CADPS2: variants seen among roughly 807,000 people sequenced by gnomAD.
CADPS2 encodes calcium-dependent secretion activator 2.
CADPS2 carries 93 observed loss-of-function variants against 172.5 expected under a neutral mutation model. The ratio of observed to expected loss-of-function variants is 0.54; its 90% CI spans 0.46 to 0.64. The LOEUF (loss-of-function observed/expected upper bound fraction) is 0.64. Among genes scored for constraint, CADPS2 ranks in the 30% least tolerant of loss-of-function variants. The probability of loss-of-function intolerance (pLI) is 0.00; values close to 1 mark genes in which losing one functional copy is unlikely to be tolerated. For synonymous variants in CADPS2, 546 were observed against 555.2 expected (o/e 0.98, Z 0.23); for missense variants, 1,420 against 1,565.9 (o/e 0.91, Z 1.57).
chr7:122,713,023 C>T (rs1564148552), intron 2 of CADPS2, among the ~76,000 whole-genome samples: 1 of 151,874 alleles, frequency 6.6e-6, no homozygotes, highest in African/African-American at 2.4e-5. Context: ...AAATCCTGTC[C>T]CCAAGGTAGG....
intron 1 of CADPS2, among the ~76,000 whole-genome samples, chr7:122,809,420 GA>G (rs56120318): frequency 1.5e-3 from 215 of 144,494 alleles, no homozygotes; most frequent in East Asian, 5.3e-3. Flanking sequence ...AAAAAAAAAA[GA>G]AAAAAAAAAT....
At chr7:122,587,917 G>A (rs760136875) in intron 6 of CADPS2, among the ~76,000 whole-genome samples, 5 of 152,160 alleles carry the variant, frequency 3.3e-5, no homozygotes, top group Non-Finnish European at 5.9e-5. Context: ...TGACTGGCAT[G>A]AGATGGTATC....
intron 2 of CADPS2, chr7:122,698,815 C>T (rs774079776): frequency 1.9e-6 from 3 of 1,613,748 alleles, no homozygotes; most frequent in Non-Finnish European, 1.7e-6. Flanking sequence ...CCAAACAACA[C>T]TTGCTCTGCA....
At chr7:122,800,774 C>A (rs532845958) in intron 1 of CADPS2, among the ~76,000 whole-genome samples, 1 of 151,998 alleles carries the variant, frequency 6.6e-6, no homozygotes, top group Non-Finnish European at 1.5e-5. Flanking sequence ...AGATCACTTT[C>A]GAAGTCAGGA....
intron 2 of CADPS2, among the ~76,000 whole-genome samples, chr7:122,705,241 G>T (rs1371191756): frequency 1.3e-5 from 2 of 151,240 alleles, no homozygotes; most frequent in Non-Finnish European, 2.9e-5. Context: ...AGTCTTCCTG[G>T]AACCGCATGT....
intron 1 of CADPS2, among the ~76,000 whole-genome samples, chr7:122,845,019 A>G (rs531938091): frequency 6.6e-6 from 1 of 152,336 alleles, no homozygotes; most frequent in Non-Finnish European, 1.5e-5. Context: ...TGAGAGACTT[A>G]AAACTTCAAA....
At chr7:122,413,792 CA>C (rs1183142564) in intron 19 of CADPS2, among the ~76,000 whole-genome samples, 1 of 152,048 alleles carries the variant, frequency 6.6e-6, no homozygotes, top group Non-Finnish European at 1.5e-5. Context: ...TTTTAAAGGA[CA>C]AAAAACAACC....
chr7:122,702,039 G>A (rs763447906), intron 2 of CADPS2: 55 of 1,613,420 alleles, frequency 3.4e-5, no homozygotes, highest in Non-Finnish European at 4.5e-5. Flanking sequence ...AGTTGAAGCT[G>A]GTCAATAGCT....
At chr7:122,756,921 A>G (rs2093186640) in intron 1 of CADPS2, among the ~76,000 whole-genome samples, 1 of 151,742 alleles carries the variant, frequency 6.6e-6, no homozygotes, top group Non-Finnish European at 1.5e-5. Context: ...AAAAAAAATT[A>G]CATCCTCAGA....
At chr7:122,865,076 T>C (rs1318313737) in intron 1 of CADPS2, among the ~76,000 whole-genome samples, 1 of 151,988 alleles carries the variant, frequency 6.6e-6, no homozygotes, top group Non-Finnish European at 1.5e-5. Flanking sequence ...CTCCCTGTGG[T>C]GGGTGGTGAG....
At chr7:122,558,267 T>C (rs1159795229) in intron 7 of CADPS2, among the ~76,000 whole-genome samples, 3 of 152,176 alleles carry the variant, frequency 2.0e-5, no homozygotes, top group African/African-American at 7.2e-5. Context: ...TTGTGTCTGA[T>C]GTTGACAGTC....
chr7:122,506,774 C>A (rs1463954266), intron 9 of CADPS2, among the ~76,000 whole-genome samples: 2 of 148,466 alleles, frequency 1.3e-5, no homozygotes, highest in Non-Finnish European at 3.0e-5. Context: ...TGAATTTAAT[C>A]ATGAAAAATG....
chr7:122,506,744 C>A (rs201584595), intron 9 of CADPS2, among the ~76,000 whole-genome samples: 7,658 of 132,210 alleles, frequency 0.058, 245 homozygotes, highest in Non-Finnish European at 0.062. Flanking sequence ...AAAAAAAAAA[C>A]AAACAAACTA....
intron 2 of CADPS2, among the ~76,000 whole-genome samples, chr7:122,721,159 G>A (rs7797250): frequency 0.71 from 107,839 of 151,756 alleles, 38,417 homozygotes; most frequent in Middle Eastern, 0.85. Flanking sequence ...TGGTAAAGTC[G>A]GCCAGGACAA....
chr7:122,537,537 C>G (rs535751013), intron 8 of CADPS2, among the ~76,000 whole-genome samples: 22 of 151,596 alleles, frequency 1.5e-4, no homozygotes, highest in Middle Eastern at 3.4e-3. Context: ...AAAACTTTTC[C>G]TTGAGTAATA....
In CADPS2 at chr7:122,430,468, C is replaced by A. The variant is rs779072368; in HGVS notation, c.2476+7873G>T. 2.0e-5 allele frequency among the ~76,000 whole-genome samples: 3 copies of A among 152,150 alleles called. No homozygotes were observed. In the East Asian group the frequency reaches 5.8e-4, roughly 29 times the overall value. ...TAAAATAATATCTAATTTGCATCAACAAGGCACATGATTTAAAAAACAATT... is the reference window on the plus strand; with the variant it reads ...TAAAATAATATCTAATTTGCATCAAAAAGGCACATGATTTAAAAAACAATT... On this transcript the variant is annotated intron_variant, in intron 17 of 29. Coordinates refer to ENST00000449022, the MANE Select transcript of CADPS2 (RefSeq NM_017954.11).
chr7:122,647,897 G>A (rs1231508730), intron 3 of CADPS2, among the ~76,000 whole-genome samples: 5 of 152,060 alleles, frequency 3.3e-5, no homozygotes, highest in Admixed American at 2.0e-4. Context: ...GGAATTTATT[G>A]AATATATAAT....
At chr7:122,775,543 A>G (rs985725166) in intron 1 of CADPS2, among the ~76,000 whole-genome samples, 2 of 152,202 alleles carry the variant, frequency 1.3e-5, no homozygotes, top group Non-Finnish European at 2.9e-5. Flanking sequence ...GAAAGGCAAC[A>G]TATTTATTTG....
chr7:122,883,221 T>A (rs552844378), intron 1 of CADPS2, among the ~76,000 whole-genome samples: 1 of 152,230 alleles, frequency 6.6e-6, no homozygotes, highest in South Asian at 2.1e-4. Context: ...TCAGTTCTGG[T>A]TCATAGAAAC....
Sources: allele counts gnomAD v4.1 joint callset (sites outside exome capture counted in the v4.1 genomes callset), GRCh38; gene constraint gnomAD v4.1.1; transcripts MANE v1.5; gene names NCBI Gene and HGNC (gene_info 2026-07-23, HGNC 2026-07-21).